PPP2R1B: variants seen among roughly 807,000 people sequenced by gnomAD.
PPP2R1B encodes serine/threonine-protein phosphatase 2A 65 kDa regulatory subunit A beta isoform.
A neutral mutation model predicts 72.7 loss-of-function variants in PPP2R1B; 58 were observed. The observed-to-expected ratio is 0.80, with a 90% CI of 0.65 to 0.99. PPP2R1B has a LOEUF of 0.99. Among genes scored for constraint, PPP2R1B ranks in the 50% least tolerant of loss-of-function variants. The pLI is 0.00. For synonymous variants in PPP2R1B, 256 were observed against 264.6 expected, an observed-to-expected ratio of 0.97 and a Z score of 0.32; for missense variants, 695 against 733.6, an observed-to-expected ratio of 0.95 and a Z score of 0.61.
chr11:111,720,104 T>C, the PPP2R1B span: 1 of 1,142,088 alleles, frequency 8.8e-7, no homozygotes, highest in Non-Finnish European at 1.3e-6. Flanking sequence ...TAAAATTGAG[T>C]CGATAGCTTA....
At chr11:111,736,741 T>C (rs188349253), downstream of PPP2R1B, among the ~76,000 whole-genome samples, 2 of 152,362 alleles carry the variant, frequency 1.3e-5, no homozygotes, top group East Asian at 3.9e-4. Flanking sequence ...GCAGCCTTTT[T>C]GATGTTACTT....
At chr11:111,688,091 G>T in the PPP2R1B span, 10 of 1,614,034 alleles carry the variant, frequency 6.2e-6, no homozygotes, top group Admixed American at 1.5e-4. The surrounding 1 kb of genome is among the most constrained non-coding windows in gnomAD (Gnocchi z 4.2). Flanking sequence ...TGTCATGGTC[G>T]GAAGATTGTG....
Position 111,760,941 on chromosome 11 carries a change from A to G in PPP2R1B, c.417T>C (p.Tyr139=), listed in dbSNP as rs1945301384. 2 of 1,614,120 alleles carry G rather than the reference A, an allele frequency of 1.2e-6. No individual in the cohort carries two copies. The highest frequency in any genetic ancestry group is 1.3e-5 in the African/African-American group (1 of 74,942). Reference sequence around the variant, plus strand: ...CTAAGCGTTTCACCAGAGGTACAAAATAAGCTTCCAGAGCAACAGGAGTAT... The same window carrying G: ...CTAAGCGTTTCACCAGAGGTACAAAGTAAGCTTCCAGAGCAACAGGAGTAT... ...QEHTPVALEA[Y]FVPLVKRLAS... Residue 139 remains tyrosine, a synonymous_variant, in exon 4 of 15, where the codon TAT becomes TAC. Transcript: ENST00000527614.
intron 5 of PPP2R1B, among the ~76,000 whole-genome samples, chr11:111,757,016 A>C (rs531436547): frequency 1.3e-5 from 2 of 152,106 alleles, no homozygotes; most frequent in South Asian, 4.2e-4. Context: ...CAGGTGGCTG[A>C]GGCAGCAGAA....
downstream of PPP2R1B, chr11:111,722,805 T>C: frequency 6.5e-7 from 1 of 1,529,208 alleles, no homozygotes; most frequent in Non-Finnish European, 9.0e-7. The surrounding 1 kb of genome is among the most constrained non-coding windows in gnomAD (Gnocchi z 4.4). Context: ...TCTGGAAGCC[T>C]TGAGAACACT....
In PPP2R1B at chr11:111,738,658, C is replaced by G; in HGVS notation, c.*2938G>C. 1.0e-6 allele frequency: 1 copy of G among 985,428 alleles called. No individual in the cohort carries two copies. Among genetic ancestry groups the G allele is most frequent in the South Asian group, 4.7e-5 (1 of 21,278 alleles). 61.0% of individuals were successfully genotyped at this position (985,428 alleles called of 1,614,324 possible). ...TGGTATTTCTGTGAGCTGAGGGCAG[C>G]CCGTTATTTCAACAAGACCTCGTTA... On this transcript the variant is annotated 3_prime_UTR_variant, in exon 15 of 15. Transcript: ENST00000527614.
intron 3 of PPP2R1B, among the ~76,000 whole-genome samples, 165 bp downstream of exon 3, chr11:111,764,640 A>C (rs1945450898): frequency 6.6e-6 from 1 of 151,948 alleles, no homozygotes; most frequent in Non-Finnish European, 1.5e-5. Context: ...AAAGGAGTTG[A>C]GTGCAAAGTG....
rs747022436 is a variant in PPP2R1B, at chr11:111,740,052, G to C, written c.*1544C>G. ...GGAGTCTTTGGGCCTTCACTAAACA[G>C]AACAGGACTTGTTAGATTTAAAAGA... On this transcript the variant is annotated 3_prime_UTR_variant, in exon 15 of 15. Transcript: ENST00000527614. 8.7e-5 allele frequency: 86 copies of C among 985,040 alleles called. No individual in the cohort carries two copies. Among genetic ancestry groups the C allele is most frequent in the Admixed American group, 2.5e-4 (4 of 16,262 alleles). The allele number at this position is 985,040 out of a possible 1,614,324, so 61.0% of individuals were successfully genotyped here.
chr11:111,742,888 T>C (rs990513638), intron 12 of PPP2R1B, among the ~76,000 whole-genome samples: 3 of 151,828 alleles, frequency 2.0e-5, no homozygotes, highest in Non-Finnish European at 4.4e-5. Context: ...TTCTTTGTTT[T>C]TTTTTTTTTC....
At chr11:111,736,774 C>T (rs978691788), downstream of PPP2R1B, among the ~76,000 whole-genome samples, 1 of 152,234 alleles carries the variant, frequency 6.6e-6, no homozygotes, top group African/African-American at 2.4e-5. Flanking sequence ...ACTAAGCGAA[C>T]CTACTAGAAT....
At chr11:111,737,764 C>A, downstream of PPP2R1B, 1 of 1,322,222 alleles carries the variant, frequency 7.6e-7, no homozygotes, top group Non-Finnish European at 1.0e-6. Flanking sequence ...GCCTTTCCCT[C>A]GGGGCCCTGG....
intron 14 of PPP2R1B, 92 bp downstream of exon 14, chr11:111,741,961 A>G (rs1944536954): frequency 2.7e-6 from 3 of 1,102,446 alleles, no homozygotes; most frequent in Non-Finnish European, 4.2e-6. Context: ...CATAATACTT[A>G]TCATCCTACC....
intron 10 of PPP2R1B, among the ~76,000 whole-genome samples, chr11:111,750,650 C>G (rs1164057833): frequency 1.3e-5 from 2 of 151,076 alleles, no homozygotes; most frequent in Non-Finnish European, 2.9e-5. Context: ...GTACATCAAA[C>G]TTAGAACTGT....
At chr11:111,724,117 C>G, downstream of PPP2R1B, 1 of 1,609,702 alleles carries the variant, frequency 6.2e-7, no homozygotes. Flanking sequence ...ACGGGTATGT[C>G]CTGGTGAATT....
In PPP2R1B at chr11:111,741,468, C is replaced by A; in HGVS notation, c.*128G>T. 1 of 1,499,912 alleles carries A rather than the reference C, an allele frequency of 6.7e-7. No individual in the cohort carries two copies. Among genetic ancestry groups the A allele is most frequent in the Non-Finnish European group, 8.9e-7 (1 of 1,129,192 alleles). 92.9% of individuals were successfully genotyped at this position (1,499,912 alleles called of 1,614,324 possible). A position where few individuals can be genotyped will look rare whatever the true frequency, so the allele number is the denominator to read the frequency against. On this transcript the variant is annotated 3_prime_UTR_variant, in exon 15 of 15. Coordinates refer to ENST00000527614, the MANE Select transcript of PPP2R1B (RefSeq NM_002716.5). ...GAATTAAGTCACTAAATGATTTCTT[C>A]TAAGTTGTTGCCATTTGCTTGGATG...
chr11:111,762,248 G>A (rs190355754), intron 3 of PPP2R1B, among the ~76,000 whole-genome samples: 14 of 152,278 alleles, frequency 9.2e-5, no homozygotes, highest in Non-Finnish European at 1.9e-4. Context: ...GAAAAGAAGT[G>A]TGTCTAATAA....
the PPP2R1B span, among the ~76,000 whole-genome samples, chr11:111,705,659 C>G: frequency 6.6e-6 from 1 of 152,088 alleles, no homozygotes; most frequent in East Asian, 1.9e-4. This position sits in a 1 kb window ranked among gnomAD's most constrained non-coding sequence, Gnocchi z 4.3. Context: ...ATGGGGAGGA[C>G]TTGGTCAGTG....
At chr11:111,727,247 G>C in intron 15 of PPP2R1B, 1 of 606,862 alleles carries the variant, frequency 1.6e-6, no homozygotes, top group South Asian at 2.0e-5. Flanking sequence ...GAGCATCAGG[G>C]CCCACCAGGG....
At chr11:111,726,383 C>A (rs1943967073), downstream of PPP2R1B, 1 of 152,910 alleles carries the variant, frequency 6.5e-6, no homozygotes, top group Non-Finnish European at 1.5e-5. Flanking sequence ...AGGTTAAGGA[C>A]CCAGAGAGAA....
Sources: gnomAD v4.1 joint callset for allele counts (sites outside exome capture counted in the v4.1 genomes callset) on GRCh38, gnomAD v4.1.1 for gene constraint, Gnocchi (gnomAD v3.1) non-coding constraint, MANE v1.5 for transcripts, NCBI Gene and HGNC (gene_info 2026-07-23, HGNC 2026-07-21) for gene names.